Variants in NR2C2 observed in about 807,000 individuals in gnomAD.
The protein encoded by NR2C2 is Nuclear hormone receptor TR4.
In NR2C2, 6 loss-of-function variants were observed where a neutral mutation model predicts 62.9. The observed-to-expected ratio is 0.10, with a 90% CI of 0.05 to 0.19. The LOEUF is 0.19. NR2C2 is among the 10% of genes least tolerant of loss of function. The pLI is 1.00. For synonymous variants in NR2C2, 272 were observed against 273.8 expected (o/e 0.99, Z 0.07); for missense variants, 479 against 762.7 (o/e 0.63, Z 4.38).
At chr3:14,956,468 G>T (rs2039528109) in intron 1 of NR2C2, among the ~76,000 whole-genome samples, 2 of 152,168 alleles carry the variant, frequency 1.3e-5, no homozygotes, top group South Asian at 4.1e-4. Flanking sequence ...TCCTAATTTA[G>T]CCCCATTGTT....
intron 4 of NR2C2, among the ~76,000 whole-genome samples, chr3:15,019,876 A>G (rs899639056): frequency 6.6e-6 from 1 of 152,216 alleles, no homozygotes; most frequent in African/African-American, 2.4e-5. Context: ...AAGGTATTAT[A>G]TATTATAAAA....
intron 2 of NR2C2, among the ~76,000 whole-genome samples, chr3:15,011,871 A>G (rs904998071): frequency 2.0e-5 from 3 of 152,156 alleles, no homozygotes; most frequent in African/African-American, 7.2e-5. Flanking sequence ...TTCCTCCTAA[A>G]GTTGCATCCC....
Position 15,034,814 on chromosome 3 carries a change from G to A in NR2C2, c.1372+5G>A. The A allele has an allele frequency of 6.2e-7, 1 of 1,609,760 alleles. No homozygotes were observed. The highest frequency in any genetic ancestry group is 8.5e-7 in the Non-Finnish European group (1 of 1,177,702). On this transcript the variant is annotated splice_donor_5th_base_variant and intron_variant, in intron 11 of 13. Coordinates refer to ENST00000425241, the MANE Select transcript of NR2C2 (RefSeq NM_001291694.2). ...TGCAGAACAGCATCCAGGAAGGTAG[G>A]GCACAGGGACTTGGGGCTGGGGTGT...
At chr3:14,950,688 TTAA>T (rs1369914852) in intron 1 of NR2C2, among the ~76,000 whole-genome samples, 1 of 152,270 alleles carries the variant, frequency 6.6e-6, no homozygotes, top group Non-Finnish European at 1.5e-5. Flanking sequence ...GATTATTTGA[TTAA>T]TGTCTGTCCT....
At chr3:14,974,323 C>T (rs2040139391) in intron 1 of NR2C2, among the ~76,000 whole-genome samples, 3 of 152,072 alleles carry the variant, frequency 2.0e-5, no homozygotes, top group South Asian at 2.1e-4. Flanking sequence ...TTGGGAAGTA[C>T]GAGATATCTA....
At chr3:14,962,250 G>A (rs567579040) in intron 1 of NR2C2, among the ~76,000 whole-genome samples, 1 of 152,316 alleles carries the variant, frequency 6.6e-6, no homozygotes, top group East Asian at 1.9e-4. Context: ...TGAAGGAGGC[G>A]GTGCAGCATA....
chr3:15,047,185 T>C lies in NR2C2; in HGVS notation c.*4177T>C, dbSNP rs1370626185. 2 of 152,664 alleles carry C rather than the reference T, an allele frequency of 1.3e-5. No homozygotes were observed. Among genetic ancestry groups the C allele is most frequent in the African/African-American group, 4.8e-5 (2 of 41,452 alleles). 9.5% of individuals were successfully genotyped at this position (152,664 alleles called of 1,614,324 possible). ...AGAGAGTTTTTCATAAAGTTGCTAA[T>C]GTAAACTGATATGGGTGTTCCAAGG... On this transcript the variant is annotated 3_prime_UTR_variant, in exon 14 of 14. Transcript: ENST00000425241.
At chr3:14,965,653 GTTTGTT>G (rs968418480) in intron 1 of NR2C2, among the ~76,000 whole-genome samples, 10 of 147,726 alleles carry the variant, frequency 6.8e-5, no homozygotes, top group Non-Finnish European at 1.3e-4. Flanking sequence ...TTTTTTGTTT[GTTTGTT>G]TTTGTTTTTG....
At chr3:15,039,358 C>G (rs2125090512) in intron 13 of NR2C2, 131 bp downstream of exon 13, 1 of 654,906 alleles carries the variant, frequency 1.5e-6, no homozygotes, top group East Asian at 2.7e-5. Flanking sequence ...GGATCACACT[C>G]TAATTCTTGA....
Position 15,045,737 on chromosome 3 carries a change from C to T in NR2C2, c.*2729C>T, listed in dbSNP as rs2042427768. The T allele has an allele frequency of 6.6e-6, 1 of 152,670 alleles. No individual in the cohort carries two copies. The highest frequency in any genetic ancestry group is 2.1e-4 in the South Asian group (1 of 4,832). 9.5% of individuals were successfully genotyped at this position (152,670 alleles called of 1,614,324 possible). ...TATTTGGGCTCCAACTTTCACAGGGCTTATAGCCCTTATTAGCAGTTTGTG... is the reference window on the plus strand; with the variant it reads ...TATTTGGGCTCCAACTTTCACAGGGTTTATAGCCCTTATTAGCAGTTTGTG... On this transcript the variant is annotated 3_prime_UTR_variant, in exon 14 of 14. Coordinates refer to ENST00000425241, the MANE Select transcript of NR2C2 (RefSeq NM_001291694.2).
chr3:14,964,512 A>G (rs1373728771), intron 1 of NR2C2, among the ~76,000 whole-genome samples: 2 of 150,274 alleles, frequency 1.3e-5, no homozygotes, highest in East Asian at 1.9e-4. Context: ...TCTATTTTAT[A>G]TTTTTTATTT....
At chr3:14,981,280 A>G (rs193266311) in intron 1 of NR2C2, among the ~76,000 whole-genome samples, 3 of 152,246 alleles carry the variant, frequency 2.0e-5, no homozygotes, top group East Asian at 3.9e-4. Context: ...CAGACCGGAC[A>G]ATATGGTGAA....
intron 10 of NR2C2, chr3:15,034,356 C>T (rs1249069584): frequency 3.7e-5 from 8 of 216,196 alleles, no homozygotes; most frequent in African/African-American, 1.6e-4. Flanking sequence ...TCTCTTGGGA[C>T]AGTCAGTCCA....
In NR2C2 at chr3:15,048,314, C is replaced by G. The variant is rs1449780726; in HGVS notation, c.*5306C>G. 3 of 152,572 alleles carry G rather than the reference C, an allele frequency of 2.0e-5. No individual in the cohort carries two copies. Among genetic ancestry groups the G allele is most frequent in the Non-Finnish European group, 4.4e-5 (3 of 68,030 alleles). The allele number at this position is 152,572 out of a possible 1,614,324, so 9.5% of individuals were successfully genotyped here. The stretch of plus-strand genomic sequence containing the variant: ...CAATCACGCTATTGAAAGTGGCTTT[C>G]TAGTTAAAATGCAATTGGAAACTTG... On this transcript the variant is annotated 3_prime_UTR_variant, in exon 14 of 14. Coordinates refer to ENST00000425241, the MANE Select transcript of NR2C2 (RefSeq NM_001291694.2).
chr3:15,003,769 C>A, intron 1 of NR2C2, 107 bp from the exon 2 acceptor site: 2 of 687,224 alleles, frequency 2.9e-6, no homozygotes, highest in East Asian at 2.9e-5. Context: ...CAGAACCATA[C>A]AAGTTCATCA....
At chr3:14,949,780 T>TA (rs2039290203) in intron 1 of NR2C2, among the ~76,000 whole-genome samples, 1 of 152,026 alleles carries the variant, frequency 6.6e-6, no homozygotes, top group African/African-American at 2.4e-5. Context: ...TTTATTTATT[T>TA]TTTGAGACCA....
intron 2 of NR2C2, 39 bp from the exon 3 acceptor site, chr3:15,013,550 G>GA: frequency 6.3e-7 from 1 of 1,590,330 alleles, no homozygotes; most frequent in Non-Finnish European, 8.6e-7. Context: ...TGGGTCTTGT[G>GA]ACACTCCATG....
At chr3:15,000,529 C>T (rs6805692) in intron 1 of NR2C2, among the ~76,000 whole-genome samples, 45,495 of 152,076 alleles carry the variant, frequency 0.3, 7,375 homozygotes, top group African/African-American at 0.39. Flanking sequence ...TTTGGGTAAA[C>T]ACCCAGAAGT....
intron 13 of NR2C2, chr3:15,042,525 A>T (rs2042305084): frequency 7.9e-6 from 2 of 252,754 alleles, no homozygotes; most frequent in African/African-American, 4.4e-5. Context: ...TCATCATATG[A>T]AGACTCCTAC....
Sources: allele counts gnomAD v4.1 joint callset (sites outside exome capture counted in the v4.1 genomes callset), GRCh38; gene constraint gnomAD v4.1.1; transcripts MANE v1.5; gene names NCBI Gene and HGNC (gene_info 2026-07-23, HGNC 2026-07-21).